Variants in DHX33 observed in about 807,000 individuals in gnomAD.
DHX33 encodes the protein DEAH-box helicase 33.
Under a neutral mutation model 72.5 loss-of-function variants are expected in DHX33, and 42 were observed. That is an observed-to-expected ratio of 0.58 (90% CI 0.45 to 0.75). DHX33 has a LOEUF of 0.75. Among genes scored for constraint, DHX33 ranks in the 30% least tolerant of loss-of-function variants. DHX33 has a pLI of 0.00. For missense variants in DHX33, 842 were observed against 917.5 expected (o/e 0.92, Z 1.06); for synonymous variants, 358 against 366.1 (o/e 0.98, Z 0.25).
chr17:5,451,020 A>C, intron 8 of DHX33, 86 bp from the exon 9 acceptor site: 1 of 1,510,968 alleles, frequency 6.6e-7, no homozygotes, highest in African/African-American at 1.4e-5. Context: ...GCTTCTGATA[A>C]TTCTACATCA....
In DHX33 at chr17:5,455,166, T is replaced by A; in HGVS notation, c.1141A>T (p.Asn381Tyr). The A allele has an allele frequency of 1.9e-6, 3 of 1,613,358 alleles. No homozygotes were observed. The highest frequency in any genetic ancestry group is 2.5e-6 in the Non-Finnish European group (3 of 1,179,262). The change falls in exon 6 of 12, where the codon AAC (asparagine) becomes TAC (tyrosine). Residue 381 changes from asparagine (N) to tyrosine (Y), a missense_variant. By Grantham distance (143) the Asn-to-Tyr change is moderately radical. Transcript: ENST00000225296. ...ATGAACTACAAATTCTCACCAGGGT[T>A]ATACTTCTTTGCTTTAACCATGCCC... ...DTGMVKAKKY[N>Y]PDSGLEVLAV...
intron 10 of DHX33, among the ~76,000 whole-genome samples, chr17:5,449,457 G>A (rs1216275319): frequency 6.6e-6 from 1 of 152,158 alleles, no homozygotes; most frequent in African/African-American, 2.4e-5. Flanking sequence ...TTTGGAGATA[G>A]ATAGAGTCTC....
intron 4 of DHX33, 140 bp from the exon 5 acceptor site, chr17:5,456,322 T>A: frequency 1.0e-6 from 1 of 953,490 alleles, no homozygotes; most frequent in Non-Finnish European, 1.6e-6. Flanking sequence ...AGTTGATGTC[T>A]AGCTTGGAGA....
At chr17:5,462,849 G>A (rs1418194946) in intron 2 of DHX33, among the ~76,000 whole-genome samples, 1 of 152,174 alleles carries the variant, frequency 6.6e-6, no homozygotes, top group Admixed American at 6.5e-5. Context: ...GGAGGTTGGG[G>A]CAGGCAGATC....
chr17:5,467,360 G>A (rs1486799222), intron 1 of DHX33, among the ~76,000 whole-genome samples: 1 of 152,156 alleles, frequency 6.6e-6, no homozygotes, highest in African/African-American at 2.4e-5. Flanking sequence ...CCTCGTTGCA[G>A]GAAGTAGCCA....
rs921505883 is a variant in DHX33 at position 5,468,894 on chromosome 17, C to A, written c.-35G>T. ...GCACCGCGGCGGGAGGCGCAAGCGCCGAGAGCTCCTGCCCCCTCTCAGGTG... is the reference window on the plus strand; with the variant it reads ...GCACCGCGGCGGGAGGCGCAAGCGCAGAGAGCTCCTGCCCCCTCTCAGGTG... On this transcript the variant is annotated 5_prime_UTR_variant, in exon 1 of 12. Coordinates refer to ENST00000225296, the MANE Select transcript of DHX33 (RefSeq NM_020162.4). 12 of 1,547,890 alleles carry A rather than the reference C, an allele frequency of 7.8e-6. No individual in the cohort carries two copies. The Admixed American group carries it at 7.9e-5, about 10-fold the overall frequency.
At chr17:5,464,966 C>T (rs1904807941) in intron 1 of DHX33, among the ~76,000 whole-genome samples, 1 of 152,232 alleles carries the variant, frequency 6.6e-6, no homozygotes, top group East Asian at 1.9e-4. Flanking sequence ...GTTCATCTCT[C>T]TTCCAGCACT....
chr17:5,457,321 A>T (rs1904370614), intron 4 of DHX33, among the ~76,000 whole-genome samples: 1 of 151,554 alleles, frequency 6.6e-6, no homozygotes, highest in Non-Finnish European at 1.5e-5. Flanking sequence ...AAATAAATAA[A>T]TAAAATGAAG....
Position 5,448,904 on chromosome 17 carries a change from G to C in DHX33, c.1729-9C>G. 6.2e-7 allele frequency: 1 copy of C among 1,604,118 alleles called. No individual in the cohort carries two copies. Among genetic ancestry groups the C allele is most frequent in the South Asian group, 1.1e-5 (1 of 90,600 alleles). ...TTCTCTTTGCACCAATCCTGAATAG[G>C]AGAAAGAGTGATATCACAATCCACT... On this transcript the variant is annotated splice_polypyrimidine_tract_variant and intron_variant, in intron 10 of 11. Coordinates refer to ENST00000225296, the MANE Select transcript of DHX33 (RefSeq NM_020162.4).
chr17:5,450,749 C>T, intron 9 of DHX33, 58 bp downstream of exon 9: 2 of 1,610,566 alleles, frequency 1.2e-6, no homozygotes. Flanking sequence ...GATGGTACTA[C>T]TTTGGGACGG....
intron 4 of DHX33, among the ~76,000 whole-genome samples, chr17:5,457,586 G>A (rs1427952852): frequency 6.4e-5 from 8 of 124,836 alleles, no homozygotes; most frequent in Admixed American, 3.6e-4. Flanking sequence ...CAGCCTGGGC[G>A]ACACAGTGAG....
At chr17:5,462,240 A>C in intron 3 of DHX33, 79 bp downstream of exon 3, 10 of 1,367,910 alleles carry the variant, frequency 7.3e-6, no homozygotes, top group Middle Eastern at 2.3e-4. Context: ...GCGCCCAGCC[A>C]GGCCTGTTTC....
In DHX33 at chr17:5,450,400, G is replaced by C. The variant is rs370407779; in HGVS notation, c.1531C>G (p.Leu511Val). The change falls in exon 10 of 12, where the codon CTC becomes GTC. Residue 511 changes from leucine to valine, a missense_variant. Coordinates refer to ENST00000225296, the MANE Select transcript of DHX33 (RefSeq NM_020162.4). ...GTACAGTGGAATTTGGGGGACATGA[G>C]GATGGTCTGCAAAGCAAAATTTAAA... is the stretch of plus-strand genomic sequence containing the variant. ...PLEPKFAKTI[L>V]MSPKFHCTEE... 6 of 1,613,832 alleles carry C rather than the reference G, an allele frequency of 3.7e-6. No individual in the cohort carries two copies. The highest frequency in any genetic ancestry group is 4.2e-6 in the Non-Finnish European group (5 of 1,179,754).
In DHX33 at chr17:5,443,512, T is replaced by C. The variant is rs1472581252; in HGVS notation, c.*693A>G. 1 of 152,130 alleles carries C rather than the reference T, an allele frequency of 6.6e-6. No homozygotes were observed. The highest frequency in any genetic ancestry group is 1.5e-5 in the Non-Finnish European group (1 of 68,042). 9.4% of individuals were successfully genotyped at this position (152,130 alleles called of 1,614,324 possible). On this transcript the variant is annotated 3_prime_UTR_variant, in exon 12 of 12. Transcript: ENST00000225296. Reference sequence around the variant, plus strand: ...ACTGAGGACCAGGAGGCTCCTTTACTGGTCTCTGCTTGGAGACAGACACAG... The same window carrying C: ...ACTGAGGACCAGGAGGCTCCTTTACCGGTCTCTGCTTGGAGACAGACACAG...
chr17:5,460,698 G>GGT (rs1904556452), intron 4 of DHX33, among the ~76,000 whole-genome samples: 1 of 151,760 alleles, frequency 6.6e-6, no homozygotes, highest in Non-Finnish European at 1.5e-5. Context: ...GTAGAGATGG[G>GGT]GTTTCACCAT....
At position 5,460,945 on chromosome 17, in the gene DHX33, G is replaced by C; in HGVS notation, c.843C>G (p.Ile281Met). The change falls in exon 4 of 12, where the codon ATC becomes ATG. Residue 281 changes from isoleucine to methionine, a missense_variant. Transcript: ENST00000225296. ...LHAALVSVFQ[I>M]HQEAPSSQDI... ...TTTGCCCCCAGCACCATACCTGGTG[G>C]ATCTGGAAGACGGAGACAAGCGCGG... The C allele has an allele frequency of 6.2e-7, 1 of 1,612,108 alleles. No homozygotes were observed. The highest frequency in any genetic ancestry group is 1.1e-5 in the South Asian group (1 of 90,894).
chr17:5,444,002 G>A lies in DHX33; in HGVS notation c.*203C>T, dbSNP rs1916532661. The stretch of plus-strand genomic sequence containing the variant: ...CAGTAAGAACCAAAAGCATAATTTT[G>A]AGGTTTCCAGGTACAAATGATATGT... On this transcript the variant is annotated 3_prime_UTR_variant, in exon 12 of 12. Coordinates refer to ENST00000225296, the MANE Select transcript of DHX33 (RefSeq NM_020162.4). This position sits in a 1 kb window ranked among gnomAD's most constrained non-coding sequence, Gnocchi z 4.9. 1.9e-6 allele frequency: 1 copy of A among 540,286 alleles called. No homozygotes were observed. The highest frequency in any genetic ancestry group is 3.1e-6 in the Non-Finnish European group (1 of 319,316). 33.5% of individuals were successfully genotyped at this position (540,286 alleles called of 1,614,324 possible). A position where few individuals can be genotyped will look rare whatever the true frequency, so the allele number is the denominator to read the frequency against.
chr17:5,464,466 T>C (rs757419725), intron 1 of DHX33, among the ~76,000 whole-genome samples: 20 of 152,160 alleles, frequency 1.3e-4, no homozygotes, highest in Non-Finnish European at 2.4e-4. Context: ...ATACTGCTGG[T>C]GAAATTAGCT....
Position 5,462,345 on chromosome 17 carries a change from TTC to T in DHX33, c.650_651del (p.Arg217LysfsTer52). The T allele has an allele frequency of 6.2e-7, 1 of 1,614,150 alleles. No homozygotes were observed. The highest frequency in any genetic ancestry group is 2.2e-5 in the East Asian group (1 of 44,884). On this transcript the variant is annotated frameshift_variant, in exon 3 of 12. Transcript: ENST00000225296. LOFTEE classifies it high-confidence loss of function. ...FGVVKAAQKR[R>X]KELGKLPLKV... ...TTCAGAGGAAGTTTCCCGAGTTCCT[TTC>T]TCCTCTTCTGTGCAGCTTTCACCAC...
Sources: gnomAD v4.1 joint callset for allele counts (sites outside exome capture counted in the v4.1 genomes callset) on GRCh38, gnomAD v4.1.1 for gene constraint, Gnocchi (gnomAD v3.1) non-coding constraint, MANE v1.5 for transcripts, NCBI Gene and HGNC (gene_info 2026-07-23, HGNC 2026-07-21) for gene names.